Variants in ITPR2 observed in about 807,000 individuals in gnomAD.
ITPR2 encodes the protein inositol 1,4,5-trisphosphate-gated calcium channel ITPR2.
A neutral mutation model predicts 317.1 loss-of-function variants in ITPR2; 207 were observed. The ratio of observed to expected loss-of-function variants is 0.65; its 90% CI spans 0.58 to 0.73. The LOEUF is 0.73. Among genes scored for constraint, ITPR2 ranks in the 30% least tolerant of loss-of-function variants. ITPR2 has a pLI of 0.00. For synonymous variants in ITPR2, 1,156 were observed against 1,149.1 expected (o/e 1.01, Z -0.12); for missense variants, 2,613 against 3,284.0 (o/e 0.80, Z 4.99).
At chr12:26,649,834 CAGAT>C (rs1555171528) in intron 21 of ITPR2, among the ~76,000 whole-genome samples, 13 of 151,460 alleles carry the variant, frequency 8.6e-5, no homozygotes, top group Non-Finnish European at 1.3e-4. Context: ...GACAGACAGA[CAGAT>C]AGATAACCTG....
chr12:26,447,450 C>T (rs1941634058), intron 45 of ITPR2, among the ~76,000 whole-genome samples: 1 of 151,912 alleles, frequency 6.6e-6, no homozygotes, highest in South Asian at 2.1e-4. Context: ...CCTTTATTAT[C>T]CATTTCACAT....
chr12:26,773,291 C>A (rs1022876448), intron 2 of ITPR2, among the ~76,000 whole-genome samples: 1 of 152,226 alleles, frequency 6.6e-6, no homozygotes, highest in African/African-American at 2.4e-5. Context: ...TTAGGACTTT[C>A]TATTCTTAAA....
chr12:26,400,234 A>G lies in ITPR2; in HGVS notation c.7424T>C (p.Ile2475Thr). The G allele has an allele frequency of 6.3e-7, 1 of 1,588,076 alleles. No individual in the cohort carries two copies. ...AAGGAGAGTGTCACACGTCCTTTCA[A>G]TTCCATCTTCATACTCTTCATCAGC... ...NTADEEYEDGIERTCDTLLMC... is the reference protein window; with the variant it reads ...NTADEEYEDGTERTCDTLLMC... The change falls in exon 53 of 57, where the codon ATT becomes ACT. Residue 2475 changes from isoleucine (I) to threonine (T), a missense_variant. Physicochemically the swap from Ile to Thr is moderately conservative, Grantham distance 89. This residue lies in a region of ITPR2 where 113 missense variants were observed against 129.2 expected (regional missense o/e 0.87). Transcript: ENST00000381340.
intron 13 of ITPR2, among the ~76,000 whole-genome samples, chr12:26,669,854 G>A (rs552511229): frequency 3.3e-5 from 5 of 152,360 alleles, no homozygotes; most frequent in East Asian, 1.9e-4. Flanking sequence ...CGAGTACTGC[G>A]CTTTTCCGAC....
chr12:26,432,108 C>T (rs1941227088), intron 48 of ITPR2, among the ~76,000 whole-genome samples: 1 of 152,084 alleles, frequency 6.6e-6, no homozygotes, highest in Non-Finnish European at 1.5e-5. Flanking sequence ...TGAAAATGAT[C>T]AATATCAGGA....
In ITPR2 at chr12:26,832,977, C is replaced by G. The variant is rs1036240522; in HGVS notation, c.-196G>C. 5 of 531,624 alleles carry G rather than the reference C, an allele frequency of 9.4e-6. No individual in the cohort carries two copies. The highest frequency in any genetic ancestry group is 1.6e-5 in the Non-Finnish European group (5 of 308,434). The allele number at this position is 531,624 out of a possible 1,614,324, so 32.9% of individuals were successfully genotyped here. On this transcript the variant is annotated 5_prime_UTR_variant, in exon 1 of 57. Transcript: ENST00000381340. ...CGCGCCGGGGAAGCCAGACCGGGGC[C>G]AAGCCGCAGCTGCGGACACCCCGCG...
intron 2 of ITPR2, among the ~76,000 whole-genome samples, chr12:26,727,787 C>T (rs915666828): frequency 6.6e-6 from 1 of 152,188 alleles, no homozygotes; most frequent in African/African-American, 2.4e-5. Flanking sequence ...AGAGCCACAA[C>T]GATGCACGTG....
chr12:26,448,820 A>G (rs1386979482), intron 45 of ITPR2, among the ~76,000 whole-genome samples: 2 of 152,198 alleles, frequency 1.3e-5, no homozygotes, highest in Non-Finnish European at 2.9e-5. Context: ...TAGGAATAAG[A>G]ACATGTATAT....
chr12:26,728,161 A>G (rs1401381356), intron 2 of ITPR2, among the ~76,000 whole-genome samples: 1 of 152,202 alleles, frequency 6.6e-6, no homozygotes. Context: ...GGCATGAGCA[A>G]GGGGCAGGAA....
rs1437438562 is a variant in ITPR2 at position 26,494,257 on chromosome 12, CT to C, written c.5265del (p.Glu1756AsnfsTer7). On this transcript the variant is annotated frameshift_variant, in exon 39 of 57. Transcript: ENST00000381340. LOFTEE classifies it high-confidence loss of function. ...IQCLLDKEGA[S>X]ELVIDVIVNT... ...TTCACTATAACATCGATGACAAGTTCTGATGCACCTTCTTTATCCAGCAGAC... is the reference window on the plus strand; with the variant it reads ...TTCACTATAACATCGATGACAAGTTCGATGCACCTTCTTTATCCAGCAGAC... 1 of 1,613,472 alleles carries C rather than the reference CT, an allele frequency of 6.2e-7. No individual in the cohort carries two copies. The highest frequency in any genetic ancestry group is 8.5e-7 in the Non-Finnish European group (1 of 1,179,662).
chr12:26,634,297 C>T (rs1413033788), intron 21 of ITPR2, among the ~76,000 whole-genome samples: 1 of 152,188 alleles, frequency 6.6e-6, no homozygotes, highest in African/African-American at 2.4e-5. Flanking sequence ...AATATCCATT[C>T]CTCCAGAGAA....
chr12:26,802,211 A>G (rs1347811240), intron 1 of ITPR2, among the ~76,000 whole-genome samples: 1 of 152,090 alleles, frequency 6.6e-6, no homozygotes, highest in Admixed American at 6.6e-5. Context: ...AGGAGGGAGG[A>G]TCAGTTGAGC....
chr12:26,381,159 T>G (rs1939498228), intron 55 of ITPR2, among the ~76,000 whole-genome samples: 1 of 152,230 alleles, frequency 6.6e-6, no homozygotes, highest in Non-Finnish European at 1.5e-5. Context: ...CAGCCTCATC[T>G]TTCAAATCAG....
At chr12:26,775,028 T>C (rs1186072239) in intron 2 of ITPR2, among the ~76,000 whole-genome samples, 2 of 152,202 alleles carry the variant, frequency 1.3e-5, no homozygotes, top group Non-Finnish European at 1.5e-5. Context: ...TAATGCACGC[T>C]GTCCTGCCTT....
chr12:26,385,044 C>A (rs566748093), intron 55 of ITPR2, among the ~76,000 whole-genome samples: 4 of 152,198 alleles, frequency 2.6e-5, no homozygotes, highest in Non-Finnish European at 5.9e-5. Flanking sequence ...GCACTTTCTA[C>A]ACATCATCTC....
chr12:26,459,125 AAT>A (rs1941955310), intron 45 of ITPR2, among the ~76,000 whole-genome samples: 1 of 152,182 alleles, frequency 6.6e-6, no homozygotes, highest in Non-Finnish European at 1.5e-5. Flanking sequence ...AACACATACA[AAT>A]ATGAGGAGCC....
chr12:26,555,663 C>A (rs918753874), intron 36 of ITPR2, among the ~76,000 whole-genome samples: 1 of 152,140 alleles, frequency 6.6e-6, no homozygotes, highest in South Asian at 2.1e-4. Context: ...CATCAGTAAA[C>A]GGAAGAGCGG....
chr12:26,341,046 C>T (rs1251010791), intron 55 of ITPR2, among the ~76,000 whole-genome samples: 1 of 152,156 alleles, frequency 6.6e-6, no homozygotes. Flanking sequence ...ATGCTTTCTT[C>T]AAGACTCTGC....
chr12:26,640,610 A>C (rs544470267), intron 21 of ITPR2, among the ~76,000 whole-genome samples: 2 of 152,300 alleles, frequency 1.3e-5, no homozygotes, highest in South Asian at 4.1e-4. Flanking sequence ...TCAGTCAATA[A>C]ATCTGAATCT....
Sources: allele counts gnomAD v4.1 joint callset (sites outside exome capture counted in the v4.1 genomes callset), GRCh38; gene constraint gnomAD v4.1.1; regional missense constraint gnomAD v4.1.1; transcripts MANE v1.5; gene names NCBI Gene and HGNC (gene_info 2026-07-23, HGNC 2026-07-21).